NAALADL2: variants seen among roughly 807,000 people sequenced by gnomAD.
The protein encoded by NAALADL2 is N-acetylated alpha-linked acidic dipeptidase like 2, also known as inactive N-acetylated-alpha-linked acidic dipeptidase-like protein 2.
A neutral mutation model predicts 87.2 loss-of-function variants in NAALADL2; 76 were observed. The observed-to-expected ratio is 0.87, with a 90% confidence interval of 0.72 to 1.05. The LOEUF is 1.05. Ranked by LOEUF, NAALADL2 falls within the 50% of genes least tolerant of loss-of-function variation. The pLI, the probability that NAALADL2 is intolerant of heterozygous loss-of-function variation, is 0.00. For synonymous variants in NAALADL2, 354 were observed against 331.0 expected (o/e 1.07, Z -0.75); for missense variants, 1,089 against 945.8 (o/e 1.15, Z -1.99).
intron 2 of NAALADL2, among the ~76,000 whole-genome samples, chr3:174,665,993 A>T (rs1725920841): frequency 6.6e-6 from 1 of 152,186 alleles, no homozygotes; most frequent in African/African-American, 2.4e-5. Flanking sequence ...ACCCTAATCC[A>T]GTATGACCTT....
At chr3:174,957,097 T>G (rs1415861536) in intron 1 of NAALADL2, among the ~76,000 whole-genome samples, 1 of 151,932 alleles carries the variant, frequency 6.6e-6, no homozygotes, top group Non-Finnish European at 1.5e-5. Flanking sequence ...TTTTGTTCCC[T>G]GATAGAGTCA....
At chr3:175,409,261 C>G (rs1433282089) in intron 5 of NAALADL2, among the ~76,000 whole-genome samples, 1 of 147,884 alleles carries the variant, frequency 6.8e-6, no homozygotes, top group Non-Finnish European at 1.5e-5. Context: ...TAGAGATTCT[C>G]TTTTTTACTT....
chr3:174,714,556 T>G (rs1158840604), intron 2 of NAALADL2, among the ~76,000 whole-genome samples: 1 of 152,196 alleles, frequency 6.6e-6, no homozygotes, highest in Middle Eastern at 3.2e-3. Flanking sequence ...TTCTTCTCTT[T>G]GAAGCAGTTG....
chr3:174,783,164 A>T (rs571142142), intron 3 of NAALADL2, among the ~76,000 whole-genome samples: 3 of 152,320 alleles, frequency 2.0e-5, no homozygotes, highest in South Asian at 2.1e-4. Flanking sequence ...AATTTGCATC[A>T]TCTTAAACAT....
chr3:175,663,228 C>A (rs1473328526), intron 11 of NAALADL2, among the ~76,000 whole-genome samples: 3 of 151,454 alleles, frequency 2.0e-5, no homozygotes, highest in Admixed American at 6.6e-5. Flanking sequence ...TCTTATTACA[C>A]ATTTTGGATC....
At chr3:175,070,623 C>T (rs947068609) in intron 1 of NAALADL2, among the ~76,000 whole-genome samples, 1 of 151,990 alleles carries the variant, frequency 6.6e-6, no homozygotes, top group African/African-American at 2.4e-5. Flanking sequence ...GAAAATTATG[C>T]TATGGTATAG....
chr3:175,279,886 C>A (rs2110073907), intron 4 of NAALADL2, among the ~76,000 whole-genome samples: 1 of 151,598 alleles, frequency 6.6e-6, no homozygotes. Context: ...GGGAATTATT[C>A]ACTGAATAGA....
intron 5 of NAALADL2, among the ~76,000 whole-genome samples, chr3:175,422,884 A>C (rs1160360738): frequency 6.6e-6 from 1 of 151,706 alleles, no homozygotes; most frequent in East Asian, 1.9e-4. Flanking sequence ...ACTTTATGAC[A>C]GGAGATAGGT....
intron 1 of NAALADL2, among the ~76,000 whole-genome samples, chr3:175,074,091 C>T (rs1237401823): frequency 6.6e-6 from 1 of 151,956 alleles, no homozygotes; most frequent in Admixed American, 6.6e-5. Flanking sequence ...CTCCCTATGT[C>T]TAGAAGTGAC....
At chr3:175,247,908 C>T (rs1265192652) in intron 3 of NAALADL2, among the ~76,000 whole-genome samples, 1 of 152,144 alleles carries the variant, frequency 6.6e-6, no homozygotes, top group Non-Finnish European at 1.5e-5. Flanking sequence ...TGATCTAATT[C>T]ACTGTTCTAT....
intron 9 of NAALADL2, among the ~76,000 whole-genome samples, chr3:175,569,906 A>G (rs1309188389): frequency 1.8e-5 from 2 of 113,566 alleles, no homozygotes; most frequent in African/African-American, 5.2e-5. Flanking sequence ...ATATATAACT[A>G]TATGAATTTG....
At chr3:175,637,824 T>A (rs1301787908) in intron 11 of NAALADL2, among the ~76,000 whole-genome samples, 1 of 152,182 alleles carries the variant, frequency 6.6e-6, no homozygotes, top group Non-Finnish European at 1.5e-5. Flanking sequence ...AGCAATTAAA[T>A]ACACACTTTT....
intron 10 of NAALADL2, among the ~76,000 whole-genome samples, chr3:175,602,965 T>C (rs1018267690): frequency 3.3e-5 from 5 of 152,210 alleles, no homozygotes; most frequent in Non-Finnish European, 7.3e-5. Flanking sequence ...CCTATATAAC[T>C]TTTTTCTTGA....
intron 4 of NAALADL2, among the ~76,000 whole-genome samples, chr3:175,276,744 G>T (rs1230609414): frequency 6.6e-6 from 1 of 152,130 alleles, no homozygotes; most frequent in Non-Finnish European, 1.5e-5. Flanking sequence ...CATAGAAATA[G>T]AATGGTAAAT....
intron 3 of NAALADL2, among the ~76,000 whole-genome samples, chr3:174,835,928 C>T (rs1256069909): frequency 2.0e-5 from 3 of 152,154 alleles, no homozygotes; most frequent in Non-Finnish European, 4.4e-5. Context: ...GCTATCATTA[C>T]AGAAAACGGT....
intron 11 of NAALADL2, among the ~76,000 whole-genome samples, chr3:175,641,735 TCTC>T (rs1422666008): frequency 1.3e-5 from 2 of 152,120 alleles, no homozygotes; most frequent in East Asian, 3.8e-4. Context: ...CGCACTCTCT[TCTC>T]AGGCTAAAAT....
intron 2 of NAALADL2, among the ~76,000 whole-genome samples, chr3:175,182,550 G>GTTTTTTTTTTTTTTTTTTTTTTTT (rs1161831796): frequency 1.4e-5 from 1 of 69,474 alleles, no homozygotes. Context: ...ACCACAGCCA[G>GTTTTTTTTTTTTTTTTTTTTTTTT]TTTTTTTTTT....
intron 6 of NAALADL2, among the ~76,000 whole-genome samples, chr3:175,458,304 A>C (rs1375461155): frequency 6.6e-6 from 1 of 151,790 alleles, no homozygotes; most frequent in Non-Finnish European, 1.5e-5. Context: ...TTACATTTGT[A>C]TGTAAGTATA....
At chr3:175,217,259 A>C (rs1372236308) in intron 2 of NAALADL2, among the ~76,000 whole-genome samples, 2 of 152,202 alleles carry the variant, frequency 1.3e-5, no homozygotes, top group East Asian at 3.8e-4. Flanking sequence ...AAATCAAGAC[A>C]TTTCAGTTCT....
Sources: allele counts gnomAD v4.1 joint callset (sites outside exome capture counted in the v4.1 genomes callset), GRCh38; gene constraint gnomAD v4.1.1; transcripts MANE v1.5; gene names NCBI Gene and HGNC (gene_info 2026-07-23, HGNC 2026-07-21).